Variants in IQSEC2 observed in about 807,000 individuals in gnomAD.
IQSEC2 encodes the protein IQ motif and SEC7 domain-containing protein 2.
Under a neutral mutation model 74.6 loss-of-function variants are expected in IQSEC2, and 6 were observed. The ratio of observed to expected loss-of-function variants is 0.08; its 90% CI spans 0.04 to 0.16. The LOEUF (loss-of-function observed/expected upper bound fraction) is 0.16. IQSEC2 is among the 10% of genes least tolerant of loss of function. The pLI is 1.00. For missense variants in IQSEC2, 734 were observed against 1,306.2 expected, an observed-to-expected ratio of 0.56 and a Z score of 6.75; for synonymous variants, 494 against 544.5, an observed-to-expected ratio of 0.91 and a Z score of 1.29.
chrX:53,263,054 C>A (rs782256746), intron 2 of IQSEC2, among the ~76,000 whole-genome samples: 8 of 112,318 alleles, frequency 7.1e-5, no homozygotes, highest in African/African-American at 2.6e-4. Context: ...CCACCCCACC[C>A]TCTGTCCCAG....
At position 53,233,803 on chromosome X, in the gene IQSEC2, G is replaced by A; in HGVS notation, c.*416C>T. 1 of 297,776 alleles carries A rather than the reference G, an allele frequency of 3.4e-6. No individual in the cohort carries two copies. The allele number at this position is 297,776 out of a possible 1,213,427, so 24.5% of individuals were successfully genotyped here. On this transcript the variant is annotated 3_prime_UTR_variant, in exon 15 of 15. Coordinates refer to ENST00000642864, the MANE Select transcript of IQSEC2 (RefSeq NM_001111125.3). ...GCCCCACACGGCCAGAGGAGCCCCA[G>A]GGAAGCCTTCACCCCGACAGCTCCG...
intron 2 of IQSEC2, chrX:53,266,770 G>A (rs2074664036): frequency 9.7e-7 from 1 of 1,025,746 alleles, no homozygotes; most frequent in Admixed American, 4.0e-5. Flanking sequence ...AGGGGCTGGA[G>A]TCCAGAGGAG....
At position 53,278,003 on chromosome X, in the gene IQSEC2, CTTTTTTTTTTTTTT is replaced by C. The variant is rs36027805; in HGVS notation, c.737+13878_737+13891del. On this transcript the variant is annotated intron_variant, in intron 2 of 14. Coordinates refer to ENST00000642864, the MANE Select transcript of IQSEC2 (RefSeq NM_001111125.3). Reference sequence around the variant, plus strand: ...TCTTTTTTTCTTTTCTTTTCTTTTTCTTTTTTTTTTTTTTTTTTTTTTTTTGAGACGGAGTCTCA... The same window carrying C: ...TCTTTTTTTCTTTTCTTTTCTTTTTCTTTTTTTTTTTGAGACGGAGTCTCA... 2.5e-3 allele frequency among the ~76,000 whole-genome samples: 93 copies of C among 37,587 alleles called. No homozygotes were observed. In the South Asian group the frequency reaches 0.074, roughly 30 times the overall value. 32.6% of individuals were successfully genotyped at this position (37,587 alleles called of 115,157 possible).
intron 2 of IQSEC2, among the ~76,000 whole-genome samples, chrX:53,288,989 T>C (rs2075062556): frequency 9.7e-6 from 1 of 103,108 alleles, no homozygotes; most frequent in African/African-American, 3.6e-5. Context: ...ACTGTTCAGC[T>C]CTAATTAGAC....
At chrX:53,310,896 G>A (rs781990755) in intron 1 of IQSEC2, among the ~76,000 whole-genome samples, 20 of 108,513 alleles carry the variant, frequency 1.8e-4, no homozygotes, top group African/African-American at 5.3e-4. Context: ...CGAGGTGGGC[G>A]GATCACCTGA....
At chrX:53,274,611 G>A (rs782519077) in intron 2 of IQSEC2, among the ~76,000 whole-genome samples, 5 of 107,372 alleles carry the variant, frequency 4.7e-5, no homozygotes, top group East Asian at 2.9e-4. Context: ...ACACGCGCCC[G>A]CCACCACGCC....
chrX:53,304,221 G>GTA (rs1462618602), intron 1 of IQSEC2, among the ~76,000 whole-genome samples: 1 of 111,536 alleles, frequency 9.0e-6, no homozygotes, highest in Non-Finnish European at 1.9e-5. Context: ...ATGACAAAAA[G>GTA]TATAGCGAAC....
At chrX:53,248,387 G>T in intron 6 of IQSEC2, 151 bp from the exon 7 acceptor site, 1 of 747,665 alleles carries the variant, frequency 1.3e-6, no homozygotes, top group South Asian at 2.6e-5. Flanking sequence ...AGGACAGAAT[G>T]TTTGAAATCA....
chrX:53,256,501 T>C (rs781992899), intron 2 of IQSEC2, among the ~76,000 whole-genome samples: 1 of 110,280 alleles, frequency 9.1e-6, no homozygotes, highest in Non-Finnish European at 1.9e-5. Flanking sequence ...CGCTGTGATT[T>C]CCCTCCCAGT....
At chrX:53,266,873 C>A (rs2074666457) in intron 2 of IQSEC2, 4 of 1,023,395 alleles carry the variant, frequency 3.9e-6, no homozygotes, top group Non-Finnish European at 5.0e-6. Flanking sequence ...GGACAGGGTC[C>A]CATGGGGGAA....
chrX:53,296,039 ATT>A (rs1351840124), intron 1 of IQSEC2, among the ~76,000 whole-genome samples: 4 of 102,062 alleles, frequency 3.9e-5, no homozygotes, highest in Non-Finnish European at 4.0e-5. Context: ...ACAGAAGTAG[ATT>A]TTTTTTTTTT....
At chrX:53,264,406 C>A (rs1311052108) in intron 2 of IQSEC2, among the ~76,000 whole-genome samples, 1 of 106,259 alleles carries the variant, frequency 9.4e-6, no homozygotes, top group Non-Finnish European at 1.9e-5. Context: ...TCGGGAGGGT[C>A]ATCTGACCCT....
At chrX:53,280,431 G>T (rs955986592) in intron 2 of IQSEC2, among the ~76,000 whole-genome samples, 1 of 111,036 alleles carries the variant, frequency 9.0e-6, no homozygotes, top group African/African-American at 3.3e-5. Flanking sequence ...GGGCGAGACA[G>T]AAGACACAGA....
At position 53,261,546 on chromosome X, in the gene IQSEC2, A is replaced by G. The variant is rs1340090855; in HGVS notation, c.738-5485T>C. ...CACTCACACACATGCATGCAGAGGT[A>G]CAATAACACAGACACATGCAAAGGC... On this transcript the variant is annotated intron_variant, in intron 2 of 14. Transcript: ENST00000642864. 1.7e-4 allele frequency among the ~76,000 whole-genome samples: 19 copies of G among 109,990 alleles called. 1 individual carries two copies. In the Admixed American group the frequency reaches 1.8e-3, roughly 11 times the overall value.
intron 1 of IQSEC2, among the ~76,000 whole-genome samples, chrX:53,306,026 C>G (rs782382801): frequency 8.9e-6 from 1 of 112,895 alleles, no homozygotes; most frequent in Non-Finnish European, 1.9e-5. Context: ...GAAAACAGAA[C>G]TAGCTCTCTA....
chrX:53,318,781 C>T (rs892980192), intron 1 of IQSEC2, among the ~76,000 whole-genome samples: 2 of 112,944 alleles, frequency 1.8e-5, no homozygotes, highest in Non-Finnish European at 1.9e-5. Flanking sequence ...GGCCTGACCC[C>T]TCTAGAAAAG....
chrX:53,306,671 C>A (rs1191663260), intron 1 of IQSEC2, among the ~76,000 whole-genome samples: 1 of 111,606 alleles, frequency 9.0e-6, no homozygotes, highest in Non-Finnish European at 1.9e-5. Flanking sequence ...CCTCTCTCTC[C>A]CAGGACCCCA....
intron 1 of IQSEC2, among the ~76,000 whole-genome samples, chrX:53,295,499 G>T (rs1231308399): frequency 2.8e-5 from 3 of 107,030 alleles, no homozygotes; most frequent in African/African-American, 1.0e-4. Flanking sequence ...AGCTACTCGG[G>T]AGGCTGAGGC....
intron 2 of IQSEC2, chrX:53,266,775 G>A: frequency 9.6e-7 from 1 of 1,036,848 alleles, no homozygotes; most frequent in Non-Finnish European, 1.2e-6. Flanking sequence ...CTGGAGTCCA[G>A]AGGAGACAGC....
Sources: allele counts gnomAD v4.1 joint callset (sites outside exome capture counted in the v4.1 genomes callset), GRCh38; gene constraint gnomAD v4.1.1; transcripts MANE v1.5; gene names NCBI Gene and HGNC (gene_info 2026-07-23, HGNC 2026-07-21).